The following FBXO42 variants were observed in gnomAD, a reference collection of about 807,000 sequenced individuals.
FBXO42 encodes the protein F-box protein 42.
Under a neutral mutation model 71.7 loss-of-function variants are expected in FBXO42, and 12 were observed. The observed-to-expected ratio is 0.17, with a 90% CI of 0.11 to 0.27. FBXO42 has a LOEUF of 0.27. FBXO42 is among the 10% of genes least tolerant of loss of function. The pLI, the probability that FBXO42 is intolerant of heterozygous loss-of-function variation, is 1.00. For missense variants in FBXO42, 707 were observed against 911.9 expected (o/e 0.78, Z 2.89); for synonymous variants, 325 against 327.5 (o/e 0.99, Z 0.08).
chr1:16,290,851 A>G (rs2082069965), intron 4 of FBXO42, among the ~76,000 whole-genome samples: 1 of 152,220 alleles, frequency 6.6e-6, no homozygotes, highest in Non-Finnish European at 1.5e-5. Context: ...TGTGAGAAAT[A>G]CATTTCTGCT....
At chr1:16,282,538 A>T (rs1378823810) in intron 4 of FBXO42, among the ~76,000 whole-genome samples, 12 of 24,076 alleles carry the variant, frequency 5.0e-4, no homozygotes, top group Non-Finnish European at 1.2e-3. Context: ...TTTCTCTTTT[A>T]AAAAAAAAAA....
chr1:16,262,997 C>A lies in FBXO42; in HGVS notation c.503-6238G>T, dbSNP rs553756025. The stretch of plus-strand genomic sequence containing the variant: ...AAGTGCTAGGATTACAGGCGTGAGC[C>A]ACAACTTTGGTAATTTCTATATCAA... On this transcript the variant is annotated intron_variant, in intron 4 of 9. Transcript: ENST00000375592. Among the ~76,000 whole-genome samples the A allele has an allele frequency of 2.0e-5, 3 of 152,136 alleles. No homozygotes were observed. In the South Asian group the frequency reaches 6.2e-4, roughly 32 times the overall value.
chr1:16,253,420 C>T (rs776196585), intron 7 of FBXO42: 11 of 594,494 alleles, frequency 1.9e-5, no homozygotes, highest in Non-Finnish European at 3.2e-5. Flanking sequence ...AGAAATGACA[C>T]AGCAAAGTAA....
chr1:16,320,659 TA>T (rs1327249842), intron 1 of FBXO42, among the ~76,000 whole-genome samples: 2 of 143,378 alleles, frequency 1.4e-5, no homozygotes, highest in African/African-American at 5.1e-5. Flanking sequence ...TATGCCCAGC[TA>T]ATTTTTTTTT....
At position 16,280,644 on chromosome 1, in the gene FBXO42, T is replaced by C. The variant is rs141891238; in HGVS notation, c.502+14139A>G. 5.6e-4 allele frequency among the ~76,000 whole-genome samples: 86 copies of C among 152,232 alleles called. 1 individual carries two copies. In the East Asian group the frequency reaches 0.013, roughly 23 times the overall value. ...TTCTATTCTAAAATAAAACACTATG[T>C]TAGCACCTGAAGTCCCAGCTTCTTG... is the stretch of plus-strand genomic sequence containing the variant. On this transcript the variant is annotated intron_variant, in intron 4 of 9. Coordinates refer to ENST00000375592, the MANE Select transcript of FBXO42 (RefSeq NM_018994.3).
intron 4 of FBXO42, among the ~76,000 whole-genome samples, chr1:16,265,415 G>A (rs2081760853): frequency 6.6e-6 from 1 of 152,034 alleles, no homozygotes; most frequent in South Asian, 2.1e-4. Context: ...ATATCTCCAT[G>A]CTATTATCAT....
At chr1:16,309,227 C>T (rs2082287382) in intron 2 of FBXO42, among the ~76,000 whole-genome samples, 1 of 151,398 alleles carries the variant, frequency 6.6e-6, no homozygotes. Context: ...GCCACCATAC[C>T]CAGCTAATTT....
intron 1 of FBXO42, among the ~76,000 whole-genome samples, chr1:16,331,620 T>C (rs1403522493): frequency 6.7e-6 from 1 of 148,962 alleles, no homozygotes; most frequent in Non-Finnish European, 1.5e-5. Flanking sequence ...CCCAGCCTGG[T>C]GGTGGGCACC....
chr1:16,325,199 C>T (rs1031117788), intron 1 of FBXO42, among the ~76,000 whole-genome samples: 2 of 152,234 alleles, frequency 1.3e-5, no homozygotes, highest in East Asian at 3.9e-4. Flanking sequence ...TATCATGCCA[C>T]TGCACTCCAG....
chr1:16,256,573 T>A (rs779205389), intron 5 of FBXO42, 33 bp downstream of exon 5: 1 of 1,602,382 alleles, frequency 6.2e-7, no homozygotes, highest in Non-Finnish European at 8.5e-7. Flanking sequence ...GGCCTTTTCT[T>A]CCAGATTTAA....
chr1:16,329,836 C>A (rs946862305), intron 1 of FBXO42, among the ~76,000 whole-genome samples: 1 of 151,796 alleles, frequency 6.6e-6, no homozygotes, highest in Non-Finnish European at 1.5e-5. Flanking sequence ...GTAAGCCCAG[C>A]TACTCGGGAG....
chr1:16,348,461 G>A (rs565369672), intron 1 of FBXO42, among the ~76,000 whole-genome samples: 3 of 152,230 alleles, frequency 2.0e-5, no homozygotes, highest in African/African-American at 7.2e-5. Context: ...CACTTTGGGA[G>A]GCAAAGGTGG....
At chr1:16,350,757 A>AAAAGAAAGAAAG (rs559971807) in intron 1 of FBXO42, among the ~76,000 whole-genome samples, 1,629 of 44,256 alleles carry the variant, frequency 0.037, 69 homozygotes, top group African/African-American at 0.055. Context: ...AAAAAAAAAA[A>AAAAGAAAGAAAG]AAAGAAAGAA....
At chr1:16,338,642 A>G (rs781714125) in intron 1 of FBXO42, among the ~76,000 whole-genome samples, 2 of 152,036 alleles carry the variant, frequency 1.3e-5, no homozygotes, top group Admixed American at 1.3e-4. Flanking sequence ...CAGTGTTTCA[A>G]GAGGAATTCA....
At chr1:16,340,038 G>C (rs181378440) in intron 1 of FBXO42, among the ~76,000 whole-genome samples, 1 of 152,052 alleles carries the variant, frequency 6.6e-6, no homozygotes, top group Admixed American at 6.6e-5. Flanking sequence ...TTAGCCAGGC[G>C]TGGTGGCAGG....
At chr1:16,306,913 T>C in intron 2 of FBXO42, among the ~76,000 whole-genome samples, 1 of 152,082 alleles carries the variant, frequency 6.6e-6, no homozygotes, top group East Asian at 1.9e-4. Context: ...TTCTTTTTTT[T>C]TCTTTTTGAG....
intron 1 of FBXO42, among the ~76,000 whole-genome samples, chr1:16,329,535 G>C (rs1458864880): frequency 1.3e-5 from 2 of 151,914 alleles, no homozygotes; most frequent in African/African-American, 4.8e-5. Flanking sequence ...AGTGAGCCAA[G>C]ATCGCACCAC....
At chr1:16,297,974 C>T (rs191984641) in intron 3 of FBXO42, among the ~76,000 whole-genome samples, 4 of 152,134 alleles carry the variant, frequency 2.6e-5, no homozygotes, top group Non-Finnish European at 5.9e-5. Context: ...GCCTGTAATC[C>T]CAGCACTTTG....
intron 4 of FBXO42, among the ~76,000 whole-genome samples, chr1:16,285,960 T>C (rs1557584813): frequency 6.6e-6 from 1 of 152,110 alleles, no homozygotes; most frequent in Non-Finnish European, 1.5e-5. Context: ...CTCAACCTCC[T>C]GGACTCAGGT....
Sources: gnomAD v4.1 joint callset for allele counts (sites outside exome capture counted in the v4.1 genomes callset) on GRCh38, gnomAD v4.1.1 for gene constraint, MANE v1.5 for transcripts, NCBI Gene and HGNC (gene_info 2026-07-23, HGNC 2026-07-21) for gene names.